The following SHANK2 variants were observed in gnomAD, a reference collection of about 807,000 sequenced individuals.
The protein encoded by SHANK2 is SH3 and multiple ankyrin repeat domains protein 2.
SHANK2 carries 43 observed loss-of-function variants against 133.7 expected under a neutral mutation model. That is an observed-to-expected ratio of 0.32 (90% CI 0.25 to 0.41). The LOEUF is 0.41. Among genes scored for constraint, SHANK2 ranks in the 10% least tolerant of loss-of-function variants. The pLI, the probability that SHANK2 is intolerant of heterozygous loss-of-function variation, is 1.00. For synonymous variants in SHANK2, 1,017 were observed against 952.8 expected (o/e 1.07, Z -1.24); for missense variants, 1,994 against 2,235.8 (o/e 0.89, Z 2.18).
chr11:70,662,945 C>G (rs1034434158), intron 15 of SHANK2, among the ~76,000 whole-genome samples: 1 of 152,148 alleles, frequency 6.6e-6, no homozygotes, highest in Non-Finnish European at 1.5e-5. Context: ...CCGTAGGACT[C>G]TGCTGCTGCC....
chr11:70,628,585 C>T (rs1406311159), intron 17 of SHANK2, among the ~76,000 whole-genome samples: 1 of 152,210 alleles, frequency 6.6e-6, no homozygotes, highest in Admixed American at 6.5e-5. Context: ...CCTAAGGCGG[C>T]CCACCCATGG....
chr11:70,483,701 C>T (rs1003581701), intron 25 of SHANK2, among the ~76,000 whole-genome samples: 3 of 152,122 alleles, frequency 2.0e-5, no homozygotes, highest in Non-Finnish European at 2.9e-5. Context: ...CCAGCCTGAG[C>T]GGCAAAGCAA....
At chr11:70,534,977 AAC>A (rs1412410338) in intron 17 of SHANK2, among the ~76,000 whole-genome samples, 1 of 152,062 alleles carries the variant, frequency 6.6e-6, no homozygotes, top group Non-Finnish European at 1.5e-5. Context: ...TGGCTGGGGA[AAC>A]ACTGACAAAG....
chr11:70,913,560 C>T (rs1555079419), intron 10 of SHANK2, among the ~76,000 whole-genome samples: 1 of 152,144 alleles, frequency 6.6e-6, no homozygotes, highest in Non-Finnish European at 1.5e-5. Context: ...AAAGAAACAG[C>T]AAAGAACCAG....
intron 14 of SHANK2, among the ~76,000 whole-genome samples, chr11:70,782,574 G>GA (rs1373956307): frequency 1.3e-5 from 2 of 151,982 alleles, no homozygotes; most frequent in Non-Finnish European, 1.5e-5. Context: ...CCAGCCCCCA[G>GA]AAAAAAAAGG....
At chr11:70,809,373 C>T (rs1251126680) in intron 12 of SHANK2, among the ~76,000 whole-genome samples, 3 of 152,212 alleles carry the variant, frequency 2.0e-5, no homozygotes, top group Admixed American at 2.0e-4. Context: ...GCAAAACAGG[C>T]TTGCAGGGAA....
At chr11:70,638,230 ACGGACTGC>A (rs1555005059) in intron 17 of SHANK2, among the ~76,000 whole-genome samples, 1 of 152,264 alleles carries the variant, frequency 6.6e-6, no homozygotes, top group Non-Finnish European at 1.5e-5. Flanking sequence ...GAATGAGACC[ACGGACTGC>A]CGGCTTGAAG....
chr11:71,187,293 T>A (rs926512564), intron 2 of SHANK2, among the ~76,000 whole-genome samples: 1 of 152,196 alleles, frequency 6.6e-6, no homozygotes, highest in Non-Finnish European at 1.5e-5. Context: ...CAGTTCTTCA[T>A]GGGTTTCTCA....
At chr11:71,210,210 G>GTGTATATATATGTATATA (rs1491563939) in intron 2 of SHANK2, among the ~76,000 whole-genome samples, 24 of 54,062 alleles carry the variant, frequency 4.4e-4, no homozygotes, top group East Asian at 3.2e-3. Context: ...AAATCCACAG[G>GTGTATATATATGTATATA]TATATATATA....
In SHANK2 at chr11:70,485,996, C is replaced by G. The variant is rs782471602; in HGVS notation, c.4297G>C (p.Ala1433Pro). The change falls in exon 25 of 26, where the codon GCT (alanine) becomes CCT (proline). Residue 1433 changes from alanine (A) to proline (P), a missense_variant. By Grantham distance (27) the Ala-to-Pro change is conservative (BLOSUM62 -1). Around this residue, in one of 5 missense-constraint regions of SHANK2, gnomAD observed 797 missense variants for 907.4 expected, o/e 0.88. Transcript: ENST00000601538. The surrounding 1 kb of genome is among the most constrained non-coding windows in gnomAD (Gnocchi z 5.8). ...IPDDRAASVP[A>P]LSDLVKQKKS... Reference sequence around the variant, plus strand: ...TTCTGCTTCACTAAGTCTGAGAGAGCCGGGACAGAAGCTGCCCGGTCATCG... The same window carrying G: ...TTCTGCTTCACTAAGTCTGAGAGAGGCGGGACAGAAGCTGCCCGGTCATCG... 2 of 1,614,068 alleles carry G rather than the reference C, an allele frequency of 1.2e-6. No homozygotes were observed.
In SHANK2 at chr11:70,513,866, G is replaced by C. The variant is rs1359167423; in HGVS notation, c.2062-10935C>G. 2.0e-5 allele frequency among the ~76,000 whole-genome samples: 3 copies of C among 152,086 alleles called. No individual in the cohort carries two copies. The East Asian group carries it at 5.8e-4, about 29-fold the overall frequency. ...AAAAAGTAGAACAGAGAGTATTAAG[G>C]ATCAAAAGGTCTAACATAACGTGAA... is the stretch of plus-strand genomic sequence containing the variant. On this transcript the variant is annotated intron_variant, in intron 17 of 25. Transcript: ENST00000601538.
Position 70,490,295 on chromosome 11 carries a change from C to T in SHANK2, c.2532G>A (p.Met844Ile), listed in dbSNP as rs782133294. Residue 844 changes from methionine (M) to isoleucine (I), a missense_variant, in exon 23 of 26, where the codon ATG becomes ATA. Coordinates refer to ENST00000601538, the MANE Select transcript of SHANK2 (RefSeq NM_012309.5). ...TCTTACCTATTGATTTCTGCCTTCG[C>T]ATCGTACCTCGAGGGATGCCCAGAA... is the stretch of plus-strand genomic sequence containing the variant. ...APFLGIPRGT[M>I]RRQKSIDSRI... 1.4e-5 allele frequency: 22 copies of T among 1,614,202 alleles called. No individual in the cohort carries two copies. In the South Asian group the frequency reaches 2.4e-4, roughly 18 times the overall value.
At chr11:70,687,296 C>G (rs970499494) in intron 15 of SHANK2, among the ~76,000 whole-genome samples, 2 of 152,202 alleles carry the variant, frequency 1.3e-5, no homozygotes, top group African/African-American at 4.8e-5. Flanking sequence ...GGCTTGAAAC[C>G]TGCTTGCTGG....
chr11:71,155,887 C>T (rs1203834329), intron 2 of SHANK2, among the ~76,000 whole-genome samples: 2 of 152,182 alleles, frequency 1.3e-5, no homozygotes. Flanking sequence ...TCCCCGGGGC[C>T]TGGAAAAGTG....
intron 10 of SHANK2, among the ~76,000 whole-genome samples, chr11:70,955,436 TGTGTG>T (rs1243656653): frequency 6.6e-6 from 1 of 151,634 alleles, no homozygotes; most frequent in Non-Finnish European, 1.5e-5. Flanking sequence ...TGTGTGTGTG[TGTGTG>T]TGTGTGTGTG....
chr11:70,492,540 T>G, intron 21 of SHANK2, 75 bp from the exon 22 acceptor site: 1 of 1,587,458 alleles, frequency 6.3e-7, no homozygotes, highest in Non-Finnish European at 8.6e-7. Flanking sequence ...AGCGCACAGG[T>G]GCAGCAGCCA....
intron 9 of SHANK2, among the ~76,000 whole-genome samples, chr11:71,059,327 G>A (rs1359169710): frequency 2.0e-5 from 3 of 152,208 alleles, no homozygotes; most frequent in Admixed American, 2.0e-4. Context: ...GAAAAAAAAT[G>A]TTCTAAGGTT....
intron 17 of SHANK2, among the ~76,000 whole-genome samples, chr11:70,514,625 A>G (rs1187051057): frequency 6.6e-6 from 1 of 152,226 alleles, no homozygotes; most frequent in African/African-American, 2.4e-5. Context: ...CTGGGTTTTT[A>G]TATTTTACAT....
intron 15 of SHANK2, among the ~76,000 whole-genome samples, chr11:70,695,139 G>C (rs1945365762): frequency 6.6e-6 from 1 of 152,136 alleles, no homozygotes; most frequent in Non-Finnish European, 1.5e-5. Flanking sequence ...GTAGACAGGT[G>C]GGGGCCAGAG....
Sources: allele counts gnomAD v4.1 joint callset (sites outside exome capture counted in the v4.1 genomes callset), GRCh38; gene constraint gnomAD v4.1.1; regional missense constraint gnomAD v4.1.1; non-coding constraint Gnocchi (gnomAD v3.1); transcripts MANE v1.5; gene names NCBI Gene and HGNC (gene_info 2026-07-23, HGNC 2026-07-21).